EPB41L3: variants seen among roughly 807,000 people sequenced by gnomAD.
EPB41L3 encodes erythrocyte membrane protein band 4.1 like 3.
In EPB41L3, 57 loss-of-function variants were observed where a neutral mutation model predicts 127.1. The observed-to-expected ratio is 0.45, with a 90% CI of 0.36 to 0.56. The LOEUF is 0.56. Ranked by LOEUF, EPB41L3 falls within the 20% of genes least tolerant of loss-of-function variation. The probability of loss-of-function intolerance (pLI) is 0.00; values close to 1 mark genes in which losing one functional copy is unlikely to be tolerated. For missense variants in EPB41L3, 1,273 were observed against 1,372.2 expected, an observed-to-expected ratio of 0.93 and a Z score of 1.14; for synonymous variants, 572 against 549.5, an observed-to-expected ratio of 1.04 and a Z score of -0.57.
Position 5,589,208 on chromosome 18 carries a change from A to G in EPB41L3, c.-306+23132T>C, listed in dbSNP as rs531679772. On this transcript the variant is annotated intron_variant, in intron 3 of 21. Coordinates refer to the EPB41L3 transcript ENST00000545076. ...AACTCATTACACAGTGTATTCTTAT[A>G]AATGCTAATGATTACAGGAAACCAT... is the stretch of plus-strand genomic sequence containing the variant. Among the ~76,000 whole-genome samples the G allele has an allele frequency of 2.6e-5, 4 of 152,282 alleles. No homozygotes were observed. The South Asian group carries it at 8.3e-4, about 32-fold the overall frequency.
intron 3 of EPB41L3, among the ~76,000 whole-genome samples, chr18:5,609,818 T>C (rs1319178202): frequency 6.6e-6 from 1 of 152,142 alleles, no homozygotes; most frequent in Non-Finnish European, 1.5e-5. Flanking sequence ...ATGTGGGATA[T>C]CTTCAAGTTG....
At position 5,489,062 on chromosome 18, in the gene EPB41L3, T is replaced by C; in HGVS notation, c.122A>G (p.Gln41Arg). ...GGCGAACTGCTCCAGGGCCTGCTGC[T>C]GCTCCTCCTTGGGCGGCTCCGGCAC... is the stretch of plus-strand genomic sequence containing the variant. Reference protein sequence around the residue: ...APVPEPPKEEQQQALEQFAAA... With the variant: ...APVPEPPKEERQQALEQFAAA... Residue 41 changes from glutamine (Q) to arginine (R), a missense_variant, in exon 2 of 23, where the codon CAG (glutamine) becomes CGG (arginine). Gln to Arg is a conservative substitution (Grantham distance 43). Coordinates refer to ENST00000341928, the MANE Select transcript of EPB41L3 (RefSeq NM_012307.5). The C allele has an allele frequency of 6.3e-7, 1 of 1,596,488 alleles. No individual in the cohort carries two copies. Among genetic ancestry groups the C allele is most frequent in the Non-Finnish European group, 8.5e-7 (1 of 1,176,498 alleles).
At chr18:5,465,195 T>C (rs2084740488) in intron 3 of EPB41L3, among the ~76,000 whole-genome samples, 1 of 152,172 alleles carries the variant, frequency 6.6e-6, no homozygotes. Flanking sequence ...ATTCTACCAG[T>C]TTCTAGGTAG....
chr18:5,398,214 G>A lies in EPB41L3; in HGVS notation c.2350-71C>T, dbSNP rs932225473. 5 of 1,576,226 alleles carry A rather than the reference G, an allele frequency of 3.2e-6. No homozygotes were observed. In the African/African-American group the frequency reaches 5.4e-5, roughly 17 times the overall value. On this transcript the variant is annotated intron_variant, in intron 16 of 22. Coordinates refer to ENST00000341928, the MANE Select transcript of EPB41L3 (RefSeq NM_012307.5). The stretch of plus-strand genomic sequence containing the variant: ...AAACTCAGGCACATAAACATTCACA[G>A]CTTGTTAGACAAAATCGTAGGCAGA...
At chr18:5,596,707 A>C (rs941716253) in intron 3 of EPB41L3, among the ~76,000 whole-genome samples, 3 of 152,168 alleles carry the variant, frequency 2.0e-5, no homozygotes, top group Non-Finnish European at 4.4e-5. Flanking sequence ...TCTAAATGAT[A>C]AATATCCTGT....
chr18:5,566,788 T>TATTCTATTCC (rs1555804087), intron 3 of EPB41L3, among the ~76,000 whole-genome samples: 123 of 112,492 alleles, frequency 1.1e-3, no homozygotes, highest in South Asian at 6.1e-3. Flanking sequence ...TATTCTATTC[T>TATTCTATTCC]ATTCCATTCC....
intron 3 of EPB41L3, among the ~76,000 whole-genome samples, chr18:5,550,874 G>A (rs1166376032): frequency 1.3e-5 from 2 of 152,018 alleles, no homozygotes; most frequent in Non-Finnish European, 2.9e-5. Flanking sequence ...CTCAATTATA[G>A]GTTGAGATTA....
intron 3 of EPB41L3, among the ~76,000 whole-genome samples, chr18:5,469,336 G>A (rs1050338120): frequency 1.2e-4 from 19 of 152,188 alleles, no homozygotes; most frequent in African/African-American, 4.3e-4. Context: ...GTCCAGACAT[G>A]GGTACCCACA....
At chr18:5,540,119 C>A (rs1785404) in intron 1 of EPB41L3, among the ~76,000 whole-genome samples, 42,870 of 151,866 alleles carry the variant, frequency 0.28, 8,059 homozygotes, top group African/African-American at 0.53. Flanking sequence ...AAATATGTTG[C>A]CTCAATATAT....
rs578129610 is a variant in EPB41L3 at position 5,576,792 on chromosome 18, C to G, written c.-306+35548G>C. 1.4e-3 allele frequency among the ~76,000 whole-genome samples: 207 copies of G among 152,338 alleles called. 4 individuals are homozygous for G. In the South Asian group the frequency reaches 0.039, roughly 29 times the overall value. On this transcript the variant is annotated intron_variant, in intron 3 of 21. Coordinates refer to the EPB41L3 transcript ENST00000545076. Reference sequence around the variant, plus strand: ...CAAAATAAACTGAAATTATATTTCACTATACTTCTGTGTAATTCTTGGCAC... The same window carrying G: ...CAAAATAAACTGAAATTATATTTCAGTATACTTCTGTGTAATTCTTGGCAC...
chr18:5,511,391 GTTTTTTTTTTTTTT>G (rs1190047630), intron 1 of EPB41L3, among the ~76,000 whole-genome samples: 34 of 59,808 alleles, frequency 5.7e-4, no homozygotes, highest in African/African-American at 9.5e-4. Context: ...AGGTATTTTG[GTTTTTTTTTTTTTT>G]TTTTTTTTTT....
At chr18:5,552,006 T>A (rs2093973070) in intron 3 of EPB41L3, among the ~76,000 whole-genome samples, 1 of 152,198 alleles carries the variant, frequency 6.6e-6, no homozygotes, top group African/African-American at 2.4e-5. Flanking sequence ...AAGCACATAC[T>A]TAAATTGAAT....
At chr18:5,540,317 C>T in intron 1 of EPB41L3, 1 of 980,206 alleles carries the variant, frequency 1.0e-6, no homozygotes, top group Non-Finnish European at 1.2e-6. Context: ...TTCATTTACA[C>T]CTTTCAATTC....
At chr18:5,587,912 A>G (rs1449306463) in intron 3 of EPB41L3, among the ~76,000 whole-genome samples, 2 of 152,216 alleles carry the variant, frequency 1.3e-5, no homozygotes, top group African/African-American at 4.8e-5. Flanking sequence ...TAAACCTTTT[A>G]GAAATAACCT....
intron 2 of EPB41L3, among the ~76,000 whole-genome samples, chr18:5,481,621 G>A (rs552340494): frequency 1.3e-5 from 2 of 152,296 alleles, no homozygotes; most frequent in East Asian, 3.9e-4. Flanking sequence ...AAAAAGCCGG[G>A]AGATGGGACC....
At chr18:5,403,570 T>A in intron 16 of EPB41L3, among the ~76,000 whole-genome samples, 1 of 146,198 alleles carries the variant, frequency 6.8e-6, no homozygotes. Context: ...TTCTTCAAAG[T>A]ACCATTTTGT....
intron 3 of EPB41L3, among the ~76,000 whole-genome samples, chr18:5,555,257 G>T (rs1441376863): frequency 6.6e-6 from 1 of 152,064 alleles, no homozygotes; most frequent in Non-Finnish European, 1.5e-5. Context: ...CCATCCCCTA[G>T]TCACTCTCTG....
chr18:5,460,183 T>C (rs1257957287), intron 3 of EPB41L3, among the ~76,000 whole-genome samples: 2 of 152,240 alleles, frequency 1.3e-5, no homozygotes, highest in Non-Finnish European at 2.9e-5. Context: ...ATTAGTTTGC[T>C]GAGGATAATC....
rs571832254 is a variant in EPB41L3, at chr18:5,430,437, G to A, written c.913-1972C>T. 2.6e-5 allele frequency among the ~76,000 whole-genome samples: 4 copies of A among 151,938 alleles called. No homozygotes were observed. The East Asian group carries it at 7.7e-4, about 29-fold the overall frequency. ...AATGAAAAATGAAAACGGCACAAACGAGTGCAGTTTTAAATTGGATGCAAG... is the reference window on the plus strand; with the variant it reads ...AATGAAAAATGAAAACGGCACAAACAAGTGCAGTTTTAAATTGGATGCAAG... On this transcript the variant is annotated intron_variant, in intron 8 of 22. Coordinates refer to ENST00000341928, the MANE Select transcript of EPB41L3 (RefSeq NM_012307.5).
Sources: gnomAD v4.1 joint callset for allele counts (sites outside exome capture counted in the v4.1 genomes callset) on GRCh38, gnomAD v4.1.1 for gene constraint, MANE v1.5 for transcripts, NCBI Gene and HGNC (gene_info 2026-07-23, HGNC 2026-07-21) for gene names.